PHACTR4: variants seen among roughly 807,000 people sequenced by gnomAD.
PHACTR4 encodes the protein phosphatase and actin regulator 4.
Under a neutral mutation model 72.7 loss-of-function variants are expected in PHACTR4, and 51 were observed. That is an observed-to-expected ratio of 0.70 (90% CI 0.56 to 0.89). The LOEUF (loss-of-function observed/expected upper bound fraction) is 0.89, where lower values mean the gene tolerates loss of function less well. Among genes scored for constraint, PHACTR4 ranks in the 40% least tolerant of loss-of-function variants. The pLI is 0.00. For missense variants in PHACTR4, 731 were observed against 861.8 expected, an observed-to-expected ratio of 0.85 and a Z score of 1.90; for synonymous variants, 255 against 302.5, an observed-to-expected ratio of 0.84 and a Z score of 1.63.
intron 4 of PHACTR4, among the ~76,000 whole-genome samples, chr1:28,462,262 G>A (rs550541908): frequency 4.6e-5 from 7 of 152,094 alleles, no homozygotes; most frequent in Non-Finnish European, 7.4e-5. Flanking sequence ...AGCCACCTCA[G>A]CCTCCCAAAG....
chr1:28,473,786 T>G lies in PHACTR4; in HGVS notation c.1056T>G (p.Pro352=), dbSNP rs1486175818. 1 of 1,613,722 alleles carries G rather than the reference T, an allele frequency of 6.2e-7. No homozygotes were observed. Among genetic ancestry groups the G allele is most frequent in the Non-Finnish European group, 8.5e-7 (1 of 1,179,994 alleles). The change falls in exon 7 of 14, where the codon CCT becomes CCG. Residue 352 remains proline, a synonymous_variant. Coordinates refer to ENST00000373839, the MANE Select transcript of PHACTR4 (RefSeq NM_001048183.3). ...CCCCCCCACTGCCTACTCATATACC[T>G]CCAGAGCCTCCACGCACCCCTCCAT... ...SPSPPLPTHI[P]PEPPRTPPFP...
chr1:28,481,809 A>G (rs766834255), intron 9 of PHACTR4, among the ~76,000 whole-genome samples: 444 of 127,442 alleles, frequency 3.5e-3, no homozygotes, highest in Non-Finnish European at 4.3e-3. Flanking sequence ...AAAAGAAAAG[A>G]AAAGAAACAA....
chr1:28,380,050 A>ATTTTTTTTT lies in PHACTR4; in HGVS notation c.-39+10225_-39+10226insTTTTTTTTT, dbSNP rs1405487346. Among the ~76,000 whole-genome samples, 5 of 128,078 alleles carry ATTTTTTTTT rather than the reference A, an allele frequency of 3.9e-5. 2 individuals carry two copies. 84.0% of individuals were successfully genotyped at this position (128,078 alleles called of 152,430 possible). ...GTTATTCTGTGTTTTTTTAAATGTA[A>ATTTTTTTTT]CTTTTTTTTTTTTTTTTTTTTTTTG... On this transcript the variant is annotated intron_variant, in intron 1 of 13. Coordinates refer to ENST00000373839, the MANE Select transcript of PHACTR4 (RefSeq NM_001048183.3).
At chr1:28,457,158 G>A (rs1413856117) in intron 2 of PHACTR4, 5 of 297,282 alleles carry the variant, frequency 1.7e-5, no homozygotes, top group South Asian at 5.8e-5. Context: ...TGATAATTAC[G>A]ATTGTATAAA....
intron 6 of PHACTR4, among the ~76,000 whole-genome samples, chr1:28,470,460 C>G (rs75086427): frequency 0.1 from 15,742 of 150,644 alleles, 1,891 homozygotes; most frequent in African/African-American, 0.3. Context: ...GAGGCTGAGG[C>G]AGGTAGATTA....
At chr1:28,468,033 A>G (rs941081701) in intron 6 of PHACTR4, among the ~76,000 whole-genome samples, 5 of 152,210 alleles carry the variant, frequency 3.3e-5, no homozygotes, top group Non-Finnish European at 7.3e-5. Context: ...TAAATATTTA[A>G]TATCACCATG....
chr1:28,455,630 C>G (rs1046262269), intron 2 of PHACTR4, among the ~76,000 whole-genome samples: 2 of 152,084 alleles, frequency 1.3e-5, no homozygotes, highest in Non-Finnish European at 1.5e-5. Context: ...CCTTAGGACC[C>G]TAGGCTGACC....
chr1:28,378,063 G>T (rs888002633), intron 1 of PHACTR4, among the ~76,000 whole-genome samples: 1 of 151,242 alleles, frequency 6.6e-6, no homozygotes, highest in Non-Finnish European at 1.5e-5. Flanking sequence ...CGGGCATGGT[G>T]GTGGGTGCCT....
intron 13 of PHACTR4, among the ~76,000 whole-genome samples, chr1:28,496,182 G>A (rs919346962): frequency 2.0e-5 from 3 of 150,716 alleles, no homozygotes; most frequent in Non-Finnish European, 2.9e-5. Flanking sequence ...TCAGCCTCGC[G>A]AGTAGCTGGG....
intron 1 of PHACTR4, among the ~76,000 whole-genome samples, chr1:28,383,799 A>G (rs1450214492): frequency 6.6e-6 from 1 of 152,198 alleles, no homozygotes. Flanking sequence ...GTCTACAGAC[A>G]AAGATAGTTT....
Position 28,375,198 on chromosome 1 carries a change from C to A in PHACTR4, c.-39+5373C>A, listed in dbSNP as rs1037508871. 1.3e-5 allele frequency among the ~76,000 whole-genome samples: 2 copies of A among 152,096 alleles called. 1 individual carries two copies. The highest frequency in any genetic ancestry group is 4.1e-4 in the South Asian group (2 of 4,830). On this transcript the variant is annotated intron_variant, in intron 1 of 13. Transcript: ENST00000373839. ...CCTGTAGTCTCAGTTACTTGGGAGG[C>A]TGAGGCATGAGACTTGCTTGATCCC...
intron 1 of PHACTR4, among the ~76,000 whole-genome samples, chr1:28,399,556 A>G (rs1027856613): frequency 6.6e-6 from 1 of 152,062 alleles, no homozygotes; most frequent in Non-Finnish European, 1.5e-5. Context: ...GTCTCGGACT[A>G]TGTAGTACTG....
At chr1:28,440,978 C>T (rs1053087135) in intron 2 of PHACTR4, among the ~76,000 whole-genome samples, 2 of 152,026 alleles carry the variant, frequency 1.3e-5, no homozygotes, top group African/African-American at 4.8e-5. Flanking sequence ...TAGTTTTGAG[C>T]TTTGAAATTA....
chr1:28,430,787 G>A (rs1409191263), intron 2 of PHACTR4, among the ~76,000 whole-genome samples: 2 of 152,090 alleles, frequency 1.3e-5, no homozygotes, highest in Non-Finnish European at 2.9e-5. Context: ...GTCAATAGCT[G>A]ATTTTCCTAG....
intron 2 of PHACTR4, among the ~76,000 whole-genome samples, chr1:28,425,718 G>T (rs1180622092): frequency 6.6e-6 from 1 of 152,140 alleles, no homozygotes; most frequent in Middle Eastern, 3.2e-3. Flanking sequence ...TAATATTCAG[G>T]TTTCTTTCTC....
chr1:28,461,922 T>C lies in PHACTR4; in HGVS notation c.271+1630T>C, dbSNP rs1459714936. 2.0e-5 allele frequency among the ~76,000 whole-genome samples: 3 copies of C among 152,106 alleles called. No individual in the cohort carries two copies. The South Asian group carries it at 6.2e-4, about 31-fold the overall frequency. On this transcript the variant is annotated intron_variant, in intron 4 of 13. Coordinates refer to ENST00000373839, the MANE Select transcript of PHACTR4 (RefSeq NM_001048183.3). ...TTTGTTTTATATAACTCTATTTGTT[T>C]TTTTACATTAGGACACAAAATCTTC...
chr1:28,424,954 C>A (rs80045949), intron 2 of PHACTR4, among the ~76,000 whole-genome samples: 13,219 of 151,786 alleles, frequency 0.087, 1,232 homozygotes, highest in African/African-American at 0.24. Flanking sequence ...ACCACCACCC[C>A]GGCTAATTTT....
intron 2 of PHACTR4, among the ~76,000 whole-genome samples, chr1:28,450,231 T>G (rs867726681): frequency 4.6e-5 from 7 of 151,960 alleles, no homozygotes; most frequent in African/African-American, 1.7e-4. Context: ...AACACACAAT[T>G]GTAAAACTAT....
intron 2 of PHACTR4, chr1:28,422,741 T>A (rs1317257272): frequency 6.6e-6 from 1 of 152,176 alleles, no homozygotes; most frequent in Non-Finnish European, 1.5e-5. Flanking sequence ...CGTGTTTGTT[T>A]TGTATCTAAA....
Sources: allele counts gnomAD v4.1 joint callset (sites outside exome capture counted in the v4.1 genomes callset), GRCh38; gene constraint gnomAD v4.1.1; transcripts MANE v1.5; gene names NCBI Gene and HGNC (gene_info 2026-07-23, HGNC 2026-07-21).